Variants in PCDH15 observed in about 807,000 individuals in gnomAD.
PCDH15 encodes the protein protocadherin-15.
Under a neutral mutation model 178.5 loss-of-function variants are expected in PCDH15, and 129 were observed. The ratio of observed to expected loss-of-function variants is 0.72; its 90% CI spans 0.63 to 0.84. PCDH15 has a LOEUF of 0.84. Among genes scored for constraint, PCDH15 ranks in the 40% least tolerant of loss-of-function variants. PCDH15 has a pLI of 0.00. For missense variants in PCDH15, 2,230 were observed against 2,099.9 expected, an observed-to-expected ratio of 1.06 and a Z score of -1.21; for synonymous variants, 800 against 732.0, an observed-to-expected ratio of 1.09 and a Z score of -1.50.
intron 1 of PCDH15, among the ~76,000 whole-genome samples, chr10:54,685,754 C>A (rs1157310580): frequency 6.6e-6 from 1 of 152,162 alleles, no homozygotes; most frequent in Non-Finnish European, 1.5e-5. Flanking sequence ...GCTCAGAACA[C>A]TTGCATTAGC....
intron 6 of PCDH15, among the ~76,000 whole-genome samples, chr10:54,343,564 T>C (rs1263748241): frequency 6.6e-6 from 1 of 151,978 alleles, no homozygotes; most frequent in Admixed American, 6.6e-5. Flanking sequence ...AACTATTTAT[T>C]CCCAAACTTG....
chr10:53,854,842 GATTAA>G (rs1026790613), intron 28 of PCDH15, among the ~76,000 whole-genome samples: 2 of 152,076 alleles, frequency 1.3e-5, no homozygotes, highest in African/African-American at 4.8e-5. Flanking sequence ...AGGTTGAAAA[GATTAA>G]ATTATTTGCC....
At chr10:54,345,666 G>C (rs966710839) in intron 6 of PCDH15, among the ~76,000 whole-genome samples, 1 of 151,586 alleles carries the variant, frequency 6.6e-6, no homozygotes, top group Non-Finnish European at 1.5e-5. Flanking sequence ...CGGATCACGA[G>C]GTCAGGAGAT....
intron 1 of PCDH15, among the ~76,000 whole-genome samples, chr10:54,701,733 T>A (rs141525160): frequency 6.6e-5 from 10 of 152,218 alleles, no homozygotes; most frequent in Admixed American, 1.3e-4. Flanking sequence ...TGTAAAAGTT[T>A]CAATTCAACA....
At chr10:55,544,133 TAC>T (rs1370545912) in intron 2 of PCDH15, among the ~76,000 whole-genome samples, 1 of 69,366 alleles carries the variant, frequency 1.4e-5, no homozygotes, top group Non-Finnish European at 2.8e-5. Context: ...TCAAATCTTA[TAC>T]ATACATATAT....
chr10:54,910,371 G>T (rs1314445825), intron 2 of PCDH15, among the ~76,000 whole-genome samples: 4 of 152,112 alleles, frequency 2.6e-5, no homozygotes, highest in East Asian at 1.9e-4. Flanking sequence ...AGATAAACCG[G>T]AATTACAAGC....
chr10:54,000,648 GA>G (rs34464954), intron 20 of PCDH15, among the ~76,000 whole-genome samples: 100,002 of 151,084 alleles, frequency 0.66, 33,180 homozygotes, highest in South Asian at 0.72. Flanking sequence ...GGAGGCAAGA[GA>G]AAAAAAAGAA....
chr10:54,094,776 C>T (rs1287808577), intron 15 of PCDH15, among the ~76,000 whole-genome samples: 1 of 151,930 alleles, frequency 6.6e-6, no homozygotes, highest in African/African-American at 2.4e-5. Flanking sequence ...TTAATTTTGC[C>T]TGAAGAACAA....
chr10:54,714,002 G>A (rs2095451741), intron 1 of PCDH15, among the ~76,000 whole-genome samples: 1 of 152,138 alleles, frequency 6.6e-6, no homozygotes, highest in Non-Finnish European at 1.5e-5. Context: ...AGGCTTTGAA[G>A]TTGAAAGTGT....
intron 2 of PCDH15, among the ~76,000 whole-genome samples, chr10:55,482,824 T>C (rs553215513): frequency 4.0e-5 from 6 of 151,870 alleles, no homozygotes; most frequent in African/African-American, 1.2e-4. Context: ...TGGAGTATCT[T>C]ACTGGGGTTC....
At chr10:54,512,842 T>C (rs2137816929) in intron 3 of PCDH15, among the ~76,000 whole-genome samples, 1 of 152,238 alleles carries the variant, frequency 6.6e-6, no homozygotes, top group South Asian at 2.1e-4. Flanking sequence ...GATGCACGTG[T>C]CTACTTTATC....
chr10:55,603,249 T>A (rs12259028), intron 2 of PCDH15, among the ~76,000 whole-genome samples: 101,838 of 150,050 alleles, frequency 0.68, 34,887 homozygotes, highest in African/African-American at 0.77. Context: ...CTATGTGAGA[T>A]GACCAAATCT....
rs538201352 is a variant in PCDH15, at chr10:54,897,824, A to C, written c.-79-324T>G. On this transcript the variant is annotated intron_variant, in intron 2 of 5. Coordinates refer to the PCDH15 transcript ENST00000458638. Reference sequence around the variant, plus strand: ...TTCACAAGCAATATGGAAATAATGCATAAGGCATATTGTGTTTGGATTTGA... The same window carrying C: ...TTCACAAGCAATATGGAAATAATGCCTAAGGCATATTGTGTTTGGATTTGA... Among the ~76,000 whole-genome samples the C allele has an allele frequency of 4.1e-4, 62 of 152,346 alleles. No homozygotes were observed. The South Asian group carries it at 9.9e-3, about 24-fold the overall frequency.
At chr10:54,263,784 G>A (rs1160953656) in intron 8 of PCDH15, among the ~76,000 whole-genome samples, 1 of 152,086 alleles carries the variant, frequency 6.6e-6, no homozygotes, top group Non-Finnish European at 1.5e-5. Flanking sequence ...TTGTATTAAA[G>A]GATGCAAAAT....
chr10:55,308,455 G>A (rs1305864895), intron 1 of PCDH15, among the ~76,000 whole-genome samples: 1 of 152,286 alleles, frequency 6.6e-6, no homozygotes, highest in Non-Finnish European at 1.5e-5. Context: ...GATGGTCCAC[G>A]AAGAGCATGG....
intron 1 of PCDH15, among the ~76,000 whole-genome samples, chr10:54,708,787 TGTGTGTGTGTGTGTGC>T (rs1484916983): frequency 6.8e-6 from 1 of 147,270 alleles, no homozygotes; most frequent in Non-Finnish European, 1.5e-5. Flanking sequence ...AACGTGTGTG[TGTGTGTGTGTGTGTGC>T]GCGCGCGTGC....
intron 2 of PCDH15, among the ~76,000 whole-genome samples, chr10:54,577,490 C>T (rs1266512520): frequency 1.3e-5 from 2 of 151,804 alleles, no homozygotes; most frequent in African/African-American, 4.8e-5. Context: ...TCCAACTGTT[C>T]TCACATTAAG....
At chr10:53,981,699 C>A (rs1246206206) in intron 21 of PCDH15, among the ~76,000 whole-genome samples, 6 of 149,254 alleles carry the variant, frequency 4.0e-5, no homozygotes, top group Non-Finnish European at 4.4e-5. Context: ...AACGTTAGAC[C>A]TAAAACCATA....
At chr10:54,498,893 G>A (rs1303684851) in intron 3 of PCDH15, among the ~76,000 whole-genome samples, 3 of 152,056 alleles carry the variant, frequency 2.0e-5, no homozygotes, top group East Asian at 3.9e-4. Context: ...ATGATGGAAG[G>A]GGAAGTAGGC....
Sources: allele counts gnomAD v4.1 joint callset (sites outside exome capture counted in the v4.1 genomes callset), GRCh38; gene constraint gnomAD v4.1.1; transcripts MANE v1.5; gene names NCBI Gene and HGNC (gene_info 2026-07-23, HGNC 2026-07-21).